Variants in TPM4 observed in about 807,000 individuals in gnomAD.
TPM4 encodes the protein tropomyosin 4, also known as tropomyosin alpha-4 chain.
A neutral mutation model predicts 35.8 loss-of-function variants in TPM4; 17 were observed. That is an observed-to-expected ratio of 0.47 (90% CI 0.32 to 0.71). TPM4 has a LOEUF of 0.71. Among genes scored for constraint, TPM4 ranks in the 30% least tolerant of loss-of-function variants. TPM4 has a pLI of 0.03. For synonymous variants in TPM4, 120 were observed against 122.9 expected (o/e 0.98, Z 0.15); for missense variants, 240 against 320.9 (o/e 0.75, Z 1.93).
At chr19:16,082,119 G>T in intron 2 of TPM4, 73 bp downstream of exon 2, 1 of 1,518,380 alleles carries the variant, frequency 6.6e-7, no homozygotes, top group South Asian at 1.2e-5. Context: ...CGACCTCGCA[G>T]AGCTGGTGTG....
chr19:16,098,360 T>C (rs1486962765), intron 7 of TPM4, among the ~76,000 whole-genome samples: 5 of 151,910 alleles, frequency 3.3e-5, no homozygotes, highest in South Asian at 2.1e-4. Flanking sequence ...GGAAAATCAA[T>C]CACTTGAACC....
Position 16,101,573 on chromosome 19 carries a change from T to C in TPM4, c.*227T>C, listed in dbSNP as rs1392031650. ...GGCACCAGCTTTTTCAGCTCTCTTA[T>C]TTTTTCCTTAAGTAGCATTTATTCC... On this transcript the variant is annotated 3_prime_UTR_variant, in exon 8 of 8. Transcript: ENST00000643579. 3 of 442,128 alleles carry C rather than the reference T, an allele frequency of 6.8e-6. No individual in the cohort carries two copies. The highest frequency in any genetic ancestry group is 1.2e-5 in the Non-Finnish European group (3 of 242,582). The allele number at this position is 442,128 out of a possible 1,614,324, so 27.4% of individuals were successfully genotyped here.
At chr19:16,076,824 C>G (rs886128085) in intron 1 of TPM4, 127 bp downstream of exon 1, 5 of 1,261,000 alleles carry the variant, frequency 4.0e-6, no homozygotes, top group Non-Finnish European at 4.0e-6. Context: ...CCTCGGACGC[C>G]GATCGCCGAC....
chr19:16,081,878 ACTT>A (rs769660412), intron 1 of TPM4, 32 bp from the exon 2 acceptor site: 6 of 1,549,104 alleles, frequency 3.9e-6, no homozygotes, highest in Non-Finnish European at 4.4e-6. Flanking sequence ...CTGGCCTGAT[ACTT>A]CTTAACATGG....
At chr19:16,094,994 G>C (rs920254910) in intron 7 of TPM4, among the ~76,000 whole-genome samples, 5 of 152,056 alleles carry the variant, frequency 3.3e-5, no homozygotes, top group African/African-American at 1.2e-4. Context: ...ACCAGTGGGG[G>C]GAAGCTCTGT....
chr19:16,073,164 C>T (rs150650327), upstream of TPM4, among the ~76,000 whole-genome samples: 1 of 152,004 alleles, frequency 6.6e-6, no homozygotes, highest in Non-Finnish European at 1.5e-5. Flanking sequence ...GATAACACAG[C>T]GAGATCCTAT....
Position 16,101,505 on chromosome 19 carries a change from T to C in TPM4, c.*159T>C. 1.9e-6 allele frequency: 1 copy of C among 517,636 alleles called. No homozygotes were observed. The highest frequency in any genetic ancestry group is 3.4e-6 in the Non-Finnish European group (1 of 292,742). 32.1% of individuals were successfully genotyped at this position (517,636 alleles called of 1,614,324 possible). On this transcript the variant is annotated 3_prime_UTR_variant, in exon 8 of 8. Transcript: ENST00000643579. ...CAAATATTTTGTATCGGAGAAGCTT[T>C]GAGCACCAGTTAAATCTCATTCCTT...
chr19:16,086,143 A>G (rs2090548824), intron 2 of TPM4, among the ~76,000 whole-genome samples: 2 of 150,882 alleles, frequency 1.3e-5, no homozygotes, highest in Admixed American at 6.6e-5. Flanking sequence ...TACAGTGCTC[A>G]GTAGATTCAG....
Position 16,078,682 on chromosome 19 carries a change from C to T in TPM4, c.132+1985C>T, listed in dbSNP as rs1044859776. 7.2e-5 allele frequency among the ~76,000 whole-genome samples: 11 copies of T among 152,204 alleles called. No homozygotes were observed. The East Asian group carries it at 7.7e-4, about 11-fold the overall frequency. Reference sequence around the variant, plus strand: ...TGGAGCCAAGATTTAGGAGCAAGACCGTCTAGTTGGGAGAGAAGATGTTTT... The same window carrying T: ...TGGAGCCAAGATTTAGGAGCAAGACTGTCTAGTTGGGAGAGAAGATGTTTT... On this transcript the variant is annotated intron_variant, in intron 1 of 7. Transcript: ENST00000643579.
At chr19:16,068,691 CTGTA>C (rs1199614628) in intron 2 of TPM4, among the ~76,000 whole-genome samples, 2 of 152,000 alleles carry the variant, frequency 1.3e-5, no homozygotes, top group Non-Finnish European at 2.9e-5. Context: ...GTGCGTGTAT[CTGTA>C]TGTGTTTAAG....
chr19:16,080,843 G>A (rs1355382950), intron 1 of TPM4: 2 of 393,366 alleles, frequency 5.1e-6, no homozygotes, highest in East Asian at 3.6e-5. Flanking sequence ...ACAAAGCGGG[G>A]ATTCCAGCCC....
upstream of TPM4, chr19:16,076,225 G>A (rs985837031): frequency 6.5e-7 from 1 of 1,548,212 alleles, no homozygotes; most frequent in Non-Finnish European, 8.7e-7. Flanking sequence ...GGAGCCCCGG[G>A]GCCGGGAAGG....
chr19:16,085,720 C>T (rs1568305840), intron 2 of TPM4, among the ~76,000 whole-genome samples: 1 of 152,096 alleles, frequency 6.6e-6, no homozygotes, highest in South Asian at 2.1e-4. Context: ...GATAATTTAC[C>T]TGCTCCATAG....
chr19:16,086,565 A>G (rs902844272), intron 3 of TPM4, 25 bp downstream of exon 3: 5 of 1,589,600 alleles, frequency 3.1e-6, no homozygotes, highest in African/African-American at 2.7e-5. Flanking sequence ...CAGATGGCGC[A>G]GCAGCAGGAA....
At chr19:16,089,231 T>C (rs1000540545) in intron 5 of TPM4, 111 bp downstream of exon 5, 12 of 1,405,048 alleles carry the variant, frequency 8.5e-6, no homozygotes, top group African/African-American at 2.9e-5. Flanking sequence ...TATTTAACAG[T>C]AGCGTTGGTG....
chr19:16,085,762 G>C (rs1435638848), intron 2 of TPM4, among the ~76,000 whole-genome samples: 2 of 152,072 alleles, frequency 1.3e-5, no homozygotes, highest in East Asian at 3.8e-4. Flanking sequence ...ACTTAGAAAA[G>C]TGCCTGGTAG....
chr19:16,076,442 G>C (rs1170035138), upstream of TPM4: 15 of 1,345,858 alleles, frequency 1.1e-5, no homozygotes, highest in Non-Finnish European at 1.4e-5. Context: ...GGGGCGGGGA[G>C]AGGCGGGGGC....
In TPM4 at chr19:16,076,936, C is replaced by T. The variant is rs903151918; in HGVS notation, c.132+239C>T. 6.8e-6 allele frequency: 6 copies of T among 883,854 alleles called. No individual in the cohort carries two copies. In the African/African-American group the frequency reaches 7.0e-5, roughly 10 times the overall value. The allele number at this position is 883,854 out of a possible 1,614,324, so 54.8% of individuals were successfully genotyped here. A position where few individuals can be genotyped will look rare whatever the true frequency, so the allele number is the denominator to read the frequency against. ...GGCGCCGCCTCCGGGTCGGGCGGGG[C>T]CGGCCAAGCGGGAAATGGGGGGATG... On this transcript the variant is annotated intron_variant, in intron 1 of 7. Transcript: ENST00000643579.
At chr19:16,079,364 T>A (rs1027296933) in intron 1 of TPM4, among the ~76,000 whole-genome samples, 4 of 152,168 alleles carry the variant, frequency 2.6e-5, no homozygotes, top group Non-Finnish European at 5.9e-5. Context: ...GGTTGCAGAG[T>A]GTTTTTGCAA....
Sources: allele counts gnomAD v4.1 joint callset (sites outside exome capture counted in the v4.1 genomes callset), GRCh38; gene constraint gnomAD v4.1.1; transcripts MANE v1.5; gene names NCBI Gene and HGNC (gene_info 2026-07-23, HGNC 2026-07-21).